Variants in BAALC observed in about 807,000 individuals in gnomAD.
The protein encoded by BAALC is brain and acute leukemia cytoplasmic protein.
BAALC carries 9 observed loss-of-function variants against 15.5 expected under a neutral mutation model. That is an observed-to-expected ratio of 0.58 (90% CI 0.35 to 1.02). BAALC has a LOEUF of 1.02. BAALC is among the 50% of genes least tolerant of loss of function. The pLI is 0.02. For synonymous variants in BAALC, 80 were observed against 74.6 expected, an observed-to-expected ratio of 1.07 and a Z score of -0.37; for missense variants, 201 against 192.4, an observed-to-expected ratio of 1.04 and a Z score of -0.27.
intron 1 of BAALC, among the ~76,000 whole-genome samples, chr8:103,197,668 G>C (rs1812124970): frequency 6.6e-6 from 1 of 152,204 alleles, no homozygotes; most frequent in South Asian, 2.1e-4. Flanking sequence ...ACTGTCATCT[G>C]CTTCTGGTGA....
At chr8:103,214,026 G>A (rs1200572005) in intron 2 of BAALC, among the ~76,000 whole-genome samples, 9 of 152,154 alleles carry the variant, frequency 5.9e-5, no homozygotes, top group Non-Finnish European at 1.0e-4. Context: ...TAAAGAAGCC[G>A]GGTAATCTAA....
intron 1 of BAALC, among the ~76,000 whole-genome samples, chr8:103,158,486 T>C (rs990275464): frequency 5.3e-5 from 8 of 152,172 alleles, no homozygotes; most frequent in African/African-American, 1.7e-4. Context: ...ACTTTAGGGC[T>C]TTTCTTTGGC....
At chr8:103,200,728 T>C (rs2130030338) in intron 1 of BAALC, 1 of 700,842 alleles carries the variant, frequency 1.4e-6, no homozygotes, top group East Asian at 2.7e-5. Context: ...TGTTCTCTGC[T>C]TCAAAGATGG....
intron 1 of BAALC, among the ~76,000 whole-genome samples, chr8:103,189,873 C>T (rs112103150): frequency 0.011 from 1,635 of 152,238 alleles, 16 homozygotes; most frequent in Middle Eastern, 0.044. Flanking sequence ...AGGGAAGATC[C>T]GTCTTCCTGT....
intron 1 of BAALC, among the ~76,000 whole-genome samples, chr8:103,209,818 A>G (rs1350882023): frequency 3.3e-5 from 5 of 152,214 alleles, no homozygotes; most frequent in Admixed American, 1.3e-4. Context: ...GGCAATGTCA[A>G]ATTGCTATAG....
chr8:103,179,552 C>G (rs150893445), intron 1 of BAALC, among the ~76,000 whole-genome samples: 1 of 152,348 alleles, frequency 6.6e-6, no homozygotes, highest in Admixed American at 6.5e-5. Context: ...GCCTGCTTCA[C>G]CCTCCTTGTT....
chr8:103,177,169 TG>T (rs35288909), intron 1 of BAALC, among the ~76,000 whole-genome samples: 50 of 67,788 alleles, frequency 7.4e-4, no homozygotes, highest in African/African-American at 1.7e-3. Context: ...GCGGGTTTTT[TG>T]TTGTTGTTGT....
chr8:103,209,377 AAAC>A (rs1442816765), intron 1 of BAALC, among the ~76,000 whole-genome samples: 1 of 152,130 alleles, frequency 6.6e-6, no homozygotes, highest in East Asian at 1.9e-4. Flanking sequence ...ATCTGAAAAA[AAAC>A]AAGGCAACAT....
intron 1 of BAALC, among the ~76,000 whole-genome samples, chr8:103,153,878 C>A (rs559453572): frequency 1.3e-5 from 2 of 152,148 alleles, no homozygotes; most frequent in Non-Finnish European, 2.9e-5. Context: ...AATAGCAGGG[C>A]AGTTTGGGAA....
chr8:103,207,607 G>T (rs1586431435), intron 1 of BAALC, among the ~76,000 whole-genome samples: 1 of 152,228 alleles, frequency 6.6e-6, no homozygotes, highest in East Asian at 1.9e-4. Flanking sequence ...CTCTTGTTTA[G>T]TGACCAGTGA....
At chr8:103,222,324 A>G (rs1812694149) in intron 2 of BAALC, among the ~76,000 whole-genome samples, 1 of 151,048 alleles carries the variant, frequency 6.6e-6, no homozygotes, top group Non-Finnish European at 1.5e-5. Flanking sequence ...TTTTCCCACA[A>G]GAGACTCTGT....
intron 1 of BAALC, chr8:103,198,082 T>G (rs1469471352): frequency 2.9e-6 from 2 of 696,004 alleles, no homozygotes; most frequent in Non-Finnish European, 2.6e-6. Flanking sequence ...TTTTTTTCCA[T>G]CTACATGTAC....
At chr8:103,175,812 G>A (rs1002207132) in intron 1 of BAALC, among the ~76,000 whole-genome samples, 27 of 152,142 alleles carry the variant, frequency 1.8e-4, no homozygotes, top group Admixed American at 1.7e-3. Context: ...AGCCACACTG[G>A]GGGTATCGTC....
rs544547370 is a variant in BAALC at position 103,164,243 on chromosome 8, A to G, written c.160+23186A>G. On this transcript the variant is annotated intron_variant, in intron 1 of 2. Transcript: ENST00000309982. The stretch of plus-strand genomic sequence containing the variant: ...TGGGCTTAATGTGATTGAGGCACAG[A>G]GTGAGGTGAAAGTAACTGGGGGAAA... Among the ~76,000 whole-genome samples the G allele has an allele frequency of 2.6e-5, 4 of 152,264 alleles. No individual in the cohort carries two copies. The South Asian group carries it at 8.3e-4, about 32-fold the overall frequency.
chr8:103,168,011 G>A (rs945401731), intron 1 of BAALC, among the ~76,000 whole-genome samples: 3 of 152,076 alleles, frequency 2.0e-5, no homozygotes, highest in African/African-American at 7.2e-5. Flanking sequence ...CTCTTTCAGA[G>A]CACTTACATT....
intron 1 of BAALC, among the ~76,000 whole-genome samples, chr8:103,206,215 T>C (rs7002269): frequency 0.26 from 39,489 of 151,966 alleles, 5,467 homozygotes; most frequent in South Asian, 0.35. Flanking sequence ...AAATCCTTTT[T>C]TAAAGCTTTA....
At chr8:103,158,071 C>A (rs1811137811) in intron 1 of BAALC, among the ~76,000 whole-genome samples, 1 of 152,180 alleles carries the variant, frequency 6.6e-6, no homozygotes, top group African/African-American at 2.4e-5. Flanking sequence ...GAGATACAAA[C>A]AACATCTGCA....
intron 2 of BAALC, among the ~76,000 whole-genome samples, chr8:103,217,538 C>T (rs1812586478): frequency 6.6e-6 from 1 of 152,140 alleles, no homozygotes; most frequent in Non-Finnish European, 1.5e-5. Flanking sequence ...CAGTCAGTAT[C>T]CACTTGCCTC....
intron 2 of BAALC, 90 bp downstream of exon 2, chr8:103,213,175 G>A (rs1812490140): frequency 7.2e-7 from 1 of 1,395,022 alleles, no homozygotes; most frequent in Admixed American, 2.2e-5. Flanking sequence ...TATGTCCAGG[G>A]AGGGACCAGG....
Sources: gnomAD v4.1 joint callset for allele counts (sites outside exome capture counted in the v4.1 genomes callset) on GRCh38, gnomAD v4.1.1 for gene constraint, MANE v1.5 for transcripts, NCBI Gene and HGNC (gene_info 2026-07-23, HGNC 2026-07-21) for gene names.